MGAT3: variants seen among roughly 807,000 people sequenced by gnomAD.
MGAT3 encodes the protein beta-1,4-mannosyl-glycoprotein 4-beta-N-acetylglucosaminyltransferase.
Under a neutral mutation model 29.8 loss-of-function variants are expected in MGAT3, and 9 were observed. The ratio of observed to expected loss-of-function variants is 0.30; its 90% confidence interval spans 0.18 to 0.53. The LOEUF (loss-of-function observed/expected upper bound fraction) is 0.53, where lower values mean the gene tolerates loss of function less well. Ranked by LOEUF, MGAT3 falls within the 20% of genes least tolerant of loss-of-function variation. The pLI is 0.96. For synonymous variants in MGAT3, 397 were observed against 348.9 expected (o/e 1.14, Z -1.54); for missense variants, 557 against 769.5 (o/e 0.72, Z 3.27).
chr22:39,467,656 T>TTTTCG (rs550481738), intron 1 of MGAT3, among the ~76,000 whole-genome samples: 10 of 149,692 alleles, frequency 6.7e-5, no homozygotes, highest in South Asian at 6.2e-4. Flanking sequence ...TTTTCTTTTC[T>TTTTCG]TTTCGTTTCG....
intron 1 of MGAT3, chr22:39,486,029 A>G (rs761695793): frequency 1.2e-4 from 38 of 328,272 alleles, no homozygotes; most frequent in Non-Finnish European, 1.8e-4. Context: ...TTTTAAATCT[A>G]TCATTGATTG....
chr22:39,465,517 C>A lies in MGAT3; in HGVS notation c.-2+7960C>A, dbSNP rs962244597. Among the ~76,000 whole-genome samples, 18 of 152,194 alleles carry A rather than the reference C, an allele frequency of 1.2e-4. No individual in the cohort carries two copies. The South Asian group carries it at 1.9e-3, about 16-fold the overall frequency. ...TTAATTGTAGAACGCTGCACAAACT[C>A]ATCAGGTCCCTCACCCGTCAGGCAG... On this transcript the variant is annotated intron_variant, in intron 1 of 1. Transcript: ENST00000341184.
At chr22:39,467,419 C>G (rs1928679642) in intron 1 of MGAT3, among the ~76,000 whole-genome samples, 1 of 152,190 alleles carries the variant, frequency 6.6e-6, no homozygotes, top group Non-Finnish European at 1.5e-5. Context: ...CCTAGGAAAG[C>G]TGGACTGGGC....
chr22:39,465,697 C>T (rs112277398), intron 1 of MGAT3, among the ~76,000 whole-genome samples: 5,035 of 151,952 alleles, frequency 0.033, 277 homozygotes, highest in African/African-American at 0.12. Context: ...TTTGGGAGGC[C>T]GAGGGGGGTG....
At chr22:39,463,345 A>G (rs1928549452) in intron 1 of MGAT3, among the ~76,000 whole-genome samples, 1 of 152,206 alleles carries the variant, frequency 6.6e-6, no homozygotes, top group South Asian at 2.1e-4. Flanking sequence ...TAGGACCCTC[A>G]GAGAGCAGCC....
intron 1 of MGAT3, among the ~76,000 whole-genome samples, chr22:39,482,806 A>G (rs1929164106): frequency 6.6e-6 from 1 of 152,190 alleles, no homozygotes. Flanking sequence ...TGAGGGAAAC[A>G]TGCCCAGATC....
At chr22:39,468,993 C>T (rs932846696) in intron 1 of MGAT3, among the ~76,000 whole-genome samples, 11 of 151,928 alleles carry the variant, frequency 7.2e-5, no homozygotes, top group African/African-American at 2.4e-5. Context: ...ATGTGGCTTT[C>T]GCTTGGCTCA....
chr22:39,488,985 G>T lies in MGAT3; in HGVS notation c.*36G>T, dbSNP rs528849916. 2.1e-5 allele frequency: 33 copies of T among 1,562,864 alleles called. No homozygotes were observed. Among genetic ancestry groups the T allele is most frequent in the Admixed American group, 1.5e-4 (8 of 52,870 alleles). On this transcript the variant is annotated 3_prime_UTR_variant, in exon 2 of 2. Transcript: ENST00000341184. ...TCTGATAGGGTTTGTGACAGGGCGGGGGTGGCGGCGGCCCCTAGCGCTATC... is the reference window on the plus strand; with the variant it reads ...TCTGATAGGGTTTGTGACAGGGCGGTGGTGGCGGCGGCCCCTAGCGCTATC...
chr22:39,489,046 G>T lies in MGAT3; in HGVS notation c.*97G>T. On this transcript the variant is annotated 3_prime_UTR_variant, in exon 2 of 2. Transcript: ENST00000341184. ...CTGCCGGCTCCTTGGTTCTTGAGGG[G>T]ACCAGGAGTGGGTGGGGAGTGGGGG... is the stretch of plus-strand genomic sequence containing the variant. 7 of 751,054 alleles carry T rather than the reference G, an allele frequency of 9.3e-6. No homozygotes were observed. The highest frequency in any genetic ancestry group is 1.8e-5 in the South Asian group (1 of 55,790). 46.5% of individuals were successfully genotyped at this position (751,054 alleles called of 1,614,324 possible). A position where few individuals can be genotyped will look rare whatever the true frequency, so the allele number is the denominator to read the frequency against.
chr22:39,486,402 C>G (rs1231958716), intron 1 of MGAT3, among the ~76,000 whole-genome samples: 1 of 152,182 alleles, frequency 6.6e-6, no homozygotes, highest in African/African-American at 2.4e-5. Flanking sequence ...CTCGGCCTCC[C>G]AAAGTGCTGG....
intron 1 of MGAT3, among the ~76,000 whole-genome samples, chr22:39,469,099 C>T (rs951820024): frequency 1.3e-4 from 17 of 133,238 alleles, no homozygotes; most frequent in Admixed American, 8.8e-4. Flanking sequence ...GGCAGTGGGA[C>T]TGACTGCCTT....
In MGAT3 at chr22:39,487,929, C is replaced by A. The variant is rs760637863; in HGVS notation, c.582C>A (p.Pro194=). Residue 194 remains proline, a synonymous_variant, in exon 2 of 2, where the codon CCC becomes CCA. Coordinates refer to ENST00000341184, the MANE Select transcript of MGAT3 (RefSeq NM_002409.5). This position sits in a 1 kb window ranked among gnomAD's most constrained non-coding sequence, Gnocchi z 5.7. Reference sequence around the variant, plus strand: ...CTGTGGTGCAGTACTCCAACCTGCCCACCAAGGAGCGGCTGGTGCCCAGGG... The same window carrying A: ...CTGTGGTGCAGTACTCCAACCTGCCAACCAAGGAGCGGCTGGTGCCCAGGG... ...VPTVVQYSNL[P]TKERLVPREV... The A allele has an allele frequency of 1.1e-5, 18 of 1,608,466 alleles. No homozygotes were observed. The highest frequency in any genetic ancestry group is 2.2e-5 in the East Asian group (1 of 44,782).
In MGAT3 at chr22:39,463,231, C is replaced by A. The variant is rs370632172; in HGVS notation, c.-2+5674C>A. 8.7e-4 allele frequency among the ~76,000 whole-genome samples: 132 copies of A among 152,366 alleles called. 3 individuals are homozygous for A. The South Asian group carries it at 0.027, about 31-fold the overall frequency. ...TTCTCCCAGAGATGTCTCTAACTTG[C>A]TGAGAGGCAAGCACTATTATCATCC... On this transcript the variant is annotated intron_variant, in intron 1 of 1. Transcript: ENST00000341184.
intron 1 of MGAT3, among the ~76,000 whole-genome samples, chr22:39,485,742 T>C (rs1015870980): frequency 1.3e-5 from 2 of 152,196 alleles, no homozygotes; most frequent in South Asian, 4.1e-4. Flanking sequence ...TGAGCAGAGA[T>C]CGCACCACTG....
chr22:39,466,945 C>T (rs1485385769), intron 1 of MGAT3, among the ~76,000 whole-genome samples: 1 of 152,210 alleles, frequency 6.6e-6, no homozygotes, highest in East Asian at 1.9e-4. Flanking sequence ...ACTCATCTGT[C>T]CATCCGTTCT....
At chr22:39,466,767 C>A (rs1001535755) in intron 1 of MGAT3, among the ~76,000 whole-genome samples, 1 of 152,218 alleles carries the variant, frequency 6.6e-6, no homozygotes, top group Non-Finnish European at 1.5e-5. Flanking sequence ...TTACTGACCC[C>A]GGCCTCTAAG....
At chr22:39,469,572 C>A (rs1928750006) in intron 1 of MGAT3, among the ~76,000 whole-genome samples, 1 of 152,176 alleles carries the variant, frequency 6.6e-6, no homozygotes, top group South Asian at 2.1e-4. Context: ...TTGGACCAGA[C>A]CTCCACCTGC....
chr22:39,487,798 T>C lies in MGAT3; in HGVS notation c.451T>C (p.Tyr151His). ...NGSSARRPPR[Y>H]LLSARERTGG... is the part of the protein sequence containing the mutation. ...CTCCTCGGCCCGGCGGCCACCCCGG[T>C]ACCTCCTGAGCGCCCGGGAGCGCAC... is the stretch of plus-strand genomic sequence containing the variant. Residue 151 changes from tyrosine to histidine, a missense_variant, in exon 2 of 2, where the codon TAC becomes CAC. Physicochemically the swap from Tyr to His is moderately conservative, Grantham distance 83. Coordinates refer to ENST00000341184, the MANE Select transcript of MGAT3 (RefSeq NM_002409.5). The surrounding 1 kb of genome is among the most constrained non-coding windows in gnomAD (Gnocchi z 5.7). The C allele has an allele frequency of 6.7e-7, 1 of 1,494,692 alleles. No homozygotes were observed. The highest frequency in any genetic ancestry group is 8.9e-7 in the Non-Finnish European group (1 of 1,124,904). 92.6% of individuals were successfully genotyped at this position (1,494,692 alleles called of 1,614,324 possible). A position where few individuals can be genotyped will look rare whatever the true frequency, so the allele number is the denominator to read the frequency against.
intron 1 of MGAT3, among the ~76,000 whole-genome samples, chr22:39,474,114 C>T (rs1303781091): frequency 2.6e-5 from 4 of 152,106 alleles, no homozygotes; most frequent in Non-Finnish European, 5.9e-5. Context: ...GCCCTGGGTA[C>T]CCTTGGCCTT....
Sources: allele counts gnomAD v4.1 joint callset (sites outside exome capture counted in the v4.1 genomes callset), GRCh38; gene constraint gnomAD v4.1.1; non-coding constraint Gnocchi (gnomAD v3.1); transcripts MANE v1.5; gene names NCBI Gene and HGNC (gene_info 2026-07-23, HGNC 2026-07-21).